LMTK2: variants seen among roughly 807,000 people sequenced by gnomAD.
LMTK2 encodes the protein lemur tail kinase 2.
LMTK2 carries 37 observed loss-of-function variants against 127.5 expected under a neutral mutation model. The observed-to-expected ratio is 0.29, with a 90% confidence interval of 0.22 to 0.38. LMTK2 has a LOEUF of 0.38. LMTK2 is among the 10% of genes least tolerant of loss of function. LMTK2 has a pLI of 1.00. For missense variants in LMTK2, 1,694 were observed against 1,920.3 expected (o/e 0.88, Z 2.20); for synonymous variants, 819 against 810.1 (o/e 1.01, Z -0.19).
chr7:98,137,513 C>T (rs935757831), intron 2 of LMTK2, 71 bp downstream of exon 2: 1 of 1,449,316 alleles, frequency 6.9e-7, no homozygotes, highest in Non-Finnish European at 9.4e-7. Context: ...CTGGATAGCA[C>T]AGTCCTTTGG....
At chr7:98,153,783 C>T (rs1268761147) in intron 4 of LMTK2, among the ~76,000 whole-genome samples, 3 of 151,976 alleles carry the variant, frequency 2.0e-5, no homozygotes, top group Admixed American at 6.6e-5. Flanking sequence ...GGAGGATCAC[C>T]TGGGCCCAGG....
At position 98,110,157 on chromosome 7, in the gene LMTK2, G is replaced by A. The variant is rs1184874512; in HGVS notation, c.103+2877G>A. Among the ~76,000 whole-genome samples the A allele has an allele frequency of 2.0e-5, 3 of 152,246 alleles. No individual in the cohort carries two copies. In the East Asian group the frequency reaches 5.8e-4, roughly 29 times the overall value. ...TTTAATGGTGCCTTAGAGAAAGCAT[G>A]CAGTTAACTGAAATTCAGCTTTTAA... On this transcript the variant is annotated intron_variant, in intron 1 of 13. Transcript: ENST00000297293.
chr7:98,123,677 G>T (rs1401494063), intron 1 of LMTK2, among the ~76,000 whole-genome samples: 1 of 151,782 alleles, frequency 6.6e-6, no homozygotes, highest in African/African-American at 2.4e-5. Context: ...AAAGTTGTGT[G>T]CTTTAGTTCT....
chr7:98,198,197 CT>C lies in LMTK2; in HGVS notation c.4107+3640del, dbSNP rs145687801. ...AATTCGAGACCTTACTTCTTTTCTC[CT>C]TTTTTTTTTTTTTTGAGACGTCTCA... On this transcript the variant is annotated intron_variant, in intron 11 of 13. Coordinates refer to ENST00000297293, the MANE Select transcript of LMTK2 (RefSeq NM_014916.4). Among the ~76,000 whole-genome samples the C allele has an allele frequency of 5.4e-3, 742 of 138,622 alleles. 6 individuals carry two copies. Among genetic ancestry groups the C allele is most frequent in the African/African-American group, 0.013 (512 of 38,080 alleles). 90.9% of individuals were successfully genotyped at this position (138,622 alleles called of 152,430 possible).
At chr7:98,141,339 A>C (rs1159670642) in intron 2 of LMTK2, 58 bp from the exon 3 acceptor site, 9 of 1,498,246 alleles carry the variant, frequency 6.0e-6, no homozygotes, top group African/African-American at 1.4e-5. Flanking sequence ...TTGTGCAAAT[A>C]TGTTCCTATT....
At chr7:98,166,213 G>A (rs965739056) in intron 6 of LMTK2, among the ~76,000 whole-genome samples, 2 of 152,186 alleles carry the variant, frequency 1.3e-5, no homozygotes, top group African/African-American at 4.8e-5. Context: ...CTGCTCCTAG[G>A]TGCTGTCTTC....
rs991173614 is a variant in LMTK2, at chr7:98,106,874, A to C, written c.-304A>C. On this transcript the variant is annotated 5_prime_UTR_variant, in exon 1 of 14. Transcript: ENST00000297293. ...GCCCCCGCGCTACGTCACATGACGC[A>C]GCCCATCATGGCGGCGGGAGCGCGG... is the stretch of plus-strand genomic sequence containing the variant. 7.0e-5 allele frequency: 31 copies of C among 443,288 alleles called. No individual in the cohort carries two copies. The highest frequency in any genetic ancestry group is 5.8e-4 in the Middle Eastern group (1 of 1,732). 27.5% of individuals were successfully genotyped at this position (443,288 alleles called of 1,614,324 possible). A position where few individuals can be genotyped will look rare whatever the true frequency, so the allele number is the denominator to read the frequency against.
rs1328359382 is a variant in LMTK2, at chr7:98,137,292, ATAT to A, written c.104-18_104-16del. 1 of 1,592,478 alleles carries A rather than the reference ATAT, an allele frequency of 6.3e-7. No homozygotes were observed. Among genetic ancestry groups the A allele is most frequent in the African/African-American group, 1.4e-5 (1 of 73,504 alleles). Reference sequence around the variant, plus strand: ...TGATTTTGGAATGTACATGTTTTTAATATTATTTATCTCTCTTTCCAGGGGAGG... The same window carrying A: ...TGATTTTGGAATGTACATGTTTTTAATATTTATCTCTCTTTCCAGGGGAGG... On this transcript the variant is annotated intron_variant, in intron 1 of 13. Coordinates refer to ENST00000297293, the MANE Select transcript of LMTK2 (RefSeq NM_014916.4).
chr7:98,138,595 G>A (rs1213921361), intron 2 of LMTK2, among the ~76,000 whole-genome samples: 4 of 152,100 alleles, frequency 2.6e-5, no homozygotes, highest in Admixed American at 1.3e-4. Flanking sequence ...CTGCTATGGC[G>A]CCTGCTGACG....
chr7:98,149,617 AACTC>A (rs990169020), intron 3 of LMTK2, among the ~76,000 whole-genome samples: 1 of 152,230 alleles, frequency 6.6e-6, no homozygotes, highest in African/African-American at 2.4e-5. Context: ...TGTAAAAACT[AACTC>A]AGAATGCATC....
intron 11 of LMTK2, among the ~76,000 whole-genome samples, chr7:98,198,928 T>C (rs1797670620): frequency 6.6e-6 from 1 of 152,144 alleles, no homozygotes; most frequent in Non-Finnish European, 1.5e-5. Context: ...GATTAACAAG[T>C]ATAGTTTAAT....
In LMTK2 at chr7:98,203,659, C is replaced by T; in HGVS notation, c.4193C>T (p.Pro1398Leu). The change falls in exon 12 of 14, where the codon CCC (proline) becomes CTC (leucine). Residue 1398 changes from proline (P) to leucine (L), a missense_variant. By Grantham distance (98) the Pro-to-Leu change is moderately conservative. Around this residue, in one of 8 missense-constraint regions of LMTK2, gnomAD observed 554 missense variants for 567.7 expected, o/e 0.98. Transcript: ENST00000297293. ...GGCCCAGCCCCAGCCTCAGGCTCTC[C>T]CTACCTGAGCAGGTGCATCAACTCC... The part of the protein sequence containing the change: ...LSGPAPASGS[P>L]YLSRCINSES... 1 of 1,613,722 alleles carries T rather than the reference C, an allele frequency of 6.2e-7. No individual in the cohort carries two copies. Among genetic ancestry groups the T allele is most frequent in the Non-Finnish European group, 8.5e-7 (1 of 1,179,848 alleles).
At chr7:98,124,058 C>A (rs1054769336) in intron 1 of LMTK2, among the ~76,000 whole-genome samples, 6 of 151,974 alleles carry the variant, frequency 3.9e-5, no homozygotes, top group African/African-American at 1.5e-4. Context: ...CCTCAGGTTC[C>A]TTTATATCTG....
Position 98,191,483 on chromosome 7 carries a change from C to T in LMTK2, c.1149-131C>T. 3 of 675,688 alleles carry T rather than the reference C, an allele frequency of 4.4e-6. No homozygotes were observed. In the South Asian group the frequency reaches 6.4e-5, roughly 14 times the overall value. 41.9% of individuals were successfully genotyped at this position (675,688 alleles called of 1,614,324 possible). A position where few individuals can be genotyped will look rare whatever the true frequency, so the allele number is the denominator to read the frequency against. On this transcript the variant is annotated intron_variant, in intron 10 of 13. Coordinates refer to ENST00000297293, the MANE Select transcript of LMTK2 (RefSeq NM_014916.4). ...AAGAGAATTGCTTGAACCCAGGAGG[C>T]AGAGGTTGCAGTGAGCCGGGATCAT...
rs1200135918 is a variant in LMTK2, at chr7:98,194,346, C to T, written c.3881C>T (p.Ser1294Leu). The T allele has an allele frequency of 1.9e-6, 3 of 1,614,104 alleles. No individual in the cohort carries two copies. The highest frequency in any genetic ancestry group is 1.1e-5 in the South Asian group (1 of 91,084). The change falls in exon 11 of 14, where the codon TCG becomes TTG. Residue 1294 changes from serine (S) to leucine (L), a missense_variant. By Grantham distance (145) the Ser-to-Leu change is moderately radical (BLOSUM62 -2). This residue lies in a region of LMTK2 where 554 missense variants were observed against 567.7 expected (regional missense o/e 0.98). Coordinates refer to ENST00000297293, the MANE Select transcript of LMTK2 (RefSeq NM_014916.4). The surrounding 1 kb of genome is among the most constrained non-coding windows in gnomAD (Gnocchi z 5.4). Reference protein sequence around the residue: ...ADEEDENSDDSDEDLRAFNLH... With the variant: ...ADEEDENSDDLDEDLRAFNLH... ...GAGGAGGACGAAAACAGCGACGACT[C>T]GGACGAGGACCTGCGGGCCTTCAAC...
chr7:98,166,875 G>A (rs1360750406), intron 6 of LMTK2, among the ~76,000 whole-genome samples: 4 of 152,166 alleles, frequency 2.6e-5, no homozygotes, highest in African/African-American at 9.7e-5. Flanking sequence ...AGTGACACAC[G>A]ACTGTATTTT....
intron 3 of LMTK2, among the ~76,000 whole-genome samples, chr7:98,146,882 T>TC (rs1796781839): frequency 6.6e-6 from 1 of 152,234 alleles, no homozygotes; most frequent in South Asian, 2.1e-4. Flanking sequence ...CTGTTTAGTG[T>TC]CCTTTTATTT....
At chr7:98,138,992 A>G (rs1368523461) in intron 2 of LMTK2, among the ~76,000 whole-genome samples, 1 of 152,188 alleles carries the variant, frequency 6.6e-6, no homozygotes, top group Non-Finnish European at 1.5e-5. Context: ...AAAGCTGTGC[A>G]GTTTTAGAGC....
Position 98,171,468 on chromosome 7 carries a change from C to T in LMTK2, c.658-73C>T. On this transcript the variant is annotated intron_variant, in intron 6 of 13. Coordinates refer to ENST00000297293, the MANE Select transcript of LMTK2 (RefSeq NM_014916.4). The surrounding 1 kb of genome is among the most constrained non-coding windows in gnomAD (Gnocchi z 5.1). Reference sequence around the variant, plus strand: ...AAATAATCTTAACAGTTAGTGTTCACCGAGGCACGTATTTAAGCGCTCACT... The same window carrying T: ...AAATAATCTTAACAGTTAGTGTTCATCGAGGCACGTATTTAAGCGCTCACT... The T allele has an allele frequency of 6.3e-7, 1 of 1,588,766 alleles. No homozygotes were observed. Among genetic ancestry groups the T allele is most frequent in the Non-Finnish European group, 8.6e-7 (1 of 1,157,228 alleles).
Sources: allele counts gnomAD v4.1 joint callset (sites outside exome capture counted in the v4.1 genomes callset), GRCh38; gene constraint gnomAD v4.1.1; regional missense constraint gnomAD v4.1.1; non-coding constraint Gnocchi (gnomAD v3.1); transcripts MANE v1.5; gene names NCBI Gene and HGNC (gene_info 2026-07-23, HGNC 2026-07-21).